Variants in ABCD4 observed in about 807,000 individuals in gnomAD.
ABCD4 encodes the protein lysosomal cobalamin transporter ABCD4.
A neutral mutation model predicts 86.3 loss-of-function variants in ABCD4; 53 were observed. That is an observed-to-expected ratio of 0.61 (90% CI 0.49 to 0.77). The LOEUF (loss-of-function observed/expected upper bound fraction) is 0.77, where lower values mean the gene tolerates loss of function less well. Among genes scored for constraint, ABCD4 ranks in the 30% least tolerant of loss-of-function variants. The pLI, the probability that ABCD4 is intolerant of heterozygous loss-of-function variation, is 0.00. For missense variants in ABCD4, 757 were observed against 764.5 expected (o/e 0.99, Z 0.12); for synonymous variants, 328 against 313.6 (o/e 1.05, Z -0.49).
At chr14:74,286,576 G>C (rs748172598) in intron 18 of ABCD4, 47 bp from the exon 19 acceptor site, 6 of 1,612,348 alleles carry the variant, frequency 3.7e-6, no homozygotes, top group Non-Finnish European at 4.2e-6. Context: ...CCTGGCCGCT[G>C]GCAGAGGAGG....
At chr14:74,296,534 T>C in intron 4 of ABCD4, 85 bp from the exon 5 acceptor site, 1 of 1,253,590 alleles carries the variant, frequency 8.0e-7, no homozygotes, top group Non-Finnish European at 1.1e-6. Context: ...TCACCTCTGC[T>C]CTTGACCTTG....
At chr14:74,289,809 C>T in intron 13 of ABCD4, 1 of 1,438,350 alleles carries the variant, frequency 7.0e-7, no homozygotes. Flanking sequence ...TGAGTCCTTG[C>T]CCCATTTACC....
intron 5 of ABCD4, 54 bp downstream of exon 5, chr14:74,296,279 G>A: frequency 6.5e-7 from 1 of 1,543,180 alleles, no homozygotes; most frequent in Non-Finnish European, 9.0e-7. Context: ...ACCTGGGAGA[G>A]CTGACTGAGG....
intron 1 of ABCD4, among the ~76,000 whole-genome samples, chr14:74,301,573 A>G (rs1281128341): frequency 1.3e-5 from 2 of 152,214 alleles, no homozygotes; most frequent in Non-Finnish European, 2.9e-5. Flanking sequence ...ACCCACGTTT[A>G]ATAAACACAT....
intron 2 of ABCD4, 147 bp downstream of exon 2, chr14:74,300,003 C>T: frequency 1.7e-6 from 1 of 588,302 alleles, no homozygotes; most frequent in South Asian, 2.1e-5. Context: ...GCAGAGGTTG[C>T]AGTGAGCTGA....
chr14:74,290,802 A>C (rs567558100), intron 11 of ABCD4, among the ~76,000 whole-genome samples: 17 of 146,144 alleles, frequency 1.2e-4, no homozygotes, highest in Non-Finnish European at 2.4e-4. Context: ...TTCCTGTCCC[A>C]GCCTCCTGAG....
chr14:74,290,843 C>T (rs1267282366), intron 11 of ABCD4, among the ~76,000 whole-genome samples: 1 of 151,932 alleles, frequency 6.6e-6, no homozygotes, highest in Non-Finnish European at 1.5e-5. Context: ...ACCACCGTGC[C>T]CATATTTTTA....
intron 13 of ABCD4, 164 bp from the exon 14 acceptor site, chr14:74,289,683 C>G: frequency 6.9e-7 from 1 of 1,453,224 alleles, no homozygotes; most frequent in Non-Finnish European, 9.0e-7. Flanking sequence ...GACAGCAGGG[C>G]AAGGTCCCTA....
At position 74,292,867 on chromosome 14, in the gene ABCD4, C is replaced by T. The variant is rs767929749; in HGVS notation, c.817G>A (p.Gly273Ser). The T allele has an allele frequency of 1.4e-5, 22 of 1,613,936 alleles. No homozygotes were observed. The highest frequency in any genetic ancestry group is 4.0e-5 in the African/African-American group (3 of 74,844). ...CCCAGATAGTCAAAGGTGTTGATGC[C>T]GACTGTAGAAAACACATCTGTGAGA... ...LMSKELWLYI[G>S]INTFDYLGSI... The change falls in exon 9 of 19, where the codon GGC (glycine) becomes AGC (serine). Residue 273 changes from glycine to serine, a missense_variant and splice_region_variant. Coordinates refer to ENST00000356924, the MANE Select transcript of ABCD4 (RefSeq NM_005050.4).
At chr14:74,301,160 CTTT>C (rs36088801) in intron 1 of ABCD4, among the ~76,000 whole-genome samples, 12 of 124,294 alleles carry the variant, frequency 9.7e-5, no homozygotes, top group Admixed American at 8.5e-5. Context: ...GGCCTAAAAT[CTTT>C]TTTTTTTTTT....
At chr14:74,298,607 G>C (rs576078315) in intron 3 of ABCD4, among the ~76,000 whole-genome samples, 2 of 152,176 alleles carry the variant, frequency 1.3e-5, no homozygotes, top group African/African-American at 4.8e-5. Context: ...CCAGAGGCAA[G>C]ACCCTCTTTC....
rs747104892 is a variant in ABCD4, at chr14:74,300,105, A to T, written c.157+45T>A. The T allele has an allele frequency of 9.3e-6, 11 of 1,182,010 alleles. No homozygotes were observed. The East Asian group carries it at 2.6e-4, about 28-fold the overall frequency. 73.2% of individuals were successfully genotyped at this position (1,182,010 alleles called of 1,614,324 possible). A position where few individuals can be genotyped will look rare whatever the true frequency, so the allele number is the denominator to read the frequency against. ...AAAAAAAAGATGGAAAGGGACCCCAAACCAGAGCTCCCCTCCCTCCTCTAG... is the reference window on the plus strand; with the variant it reads ...AAAAAAAAGATGGAAAGGGACCCCATACCAGAGCTCCCCTCCCTCCTCTAG... On this transcript the variant is annotated intron_variant, in intron 2 of 18. Coordinates refer to ENST00000356924, the MANE Select transcript of ABCD4 (RefSeq NM_005050.4).
At chr14:74,299,826 C>T in intron 2 of ABCD4, 151 bp from the exon 3 acceptor site, 1 of 705,880 alleles carries the variant, frequency 1.4e-6, no homozygotes, top group South Asian at 1.9e-5. Flanking sequence ...CTTTGGGAGG[C>T]TGAGGCGGGT....
intron 1 of ABCD4, among the ~76,000 whole-genome samples, 184 bp from the exon 2 acceptor site, chr14:74,300,452 C>T (rs565667189): frequency 1.3e-5 from 2 of 151,810 alleles, no homozygotes; most frequent in African/African-American, 2.4e-5. Context: ...TTTGGCCAAG[C>T]GTGGTGGCTC....
At chr14:74,289,306 G>C in intron 14 of ABCD4, 177 bp downstream of exon 14, 1 of 1,406,608 alleles carries the variant, frequency 7.1e-7, no homozygotes, top group Non-Finnish European at 9.2e-7. Flanking sequence ...GAAAGAATGA[G>C]GTGAGATCTG....
chr14:74,288,593 C>A, intron 15 of ABCD4, 123 bp downstream of exon 15: 1 of 1,126,944 alleles, frequency 8.9e-7, no homozygotes, highest in South Asian at 1.3e-5. Context: ...CTGATACTCC[C>A]ATTCTCCACC....
Position 74,286,053 on chromosome 14 carries a change from TAA to T in ABCD4, c.*406_*407del. The T allele has an allele frequency of 6.4e-6, 1 of 157,360 alleles. No homozygotes were observed. The highest frequency in any genetic ancestry group is 6.4e-5 in the Admixed American group (1 of 15,604). 9.7% of individuals were successfully genotyped at this position (157,360 alleles called of 1,614,324 possible). A position where few individuals can be genotyped will look rare whatever the true frequency, so the allele number is the denominator to read the frequency against. ...TTATTAAAAAACTTAAATGGTCAGT[TAA>T]AGTTAAAAATCTATTGCTGCACAAT... On this transcript the variant is annotated 3_prime_UTR_variant, in exon 19 of 19. Transcript: ENST00000356924.
At chr14:74,296,952 A>ACTCTGGG in intron 4 of ABCD4, 1 of 153,344 alleles carries the variant, frequency 6.5e-6, no homozygotes. Flanking sequence ...AAAGAGGCCT[A>ACTCTGGG]GAAGTTAGGC....
At position 74,296,441 on chromosome 14, in the gene ABCD4, C is replaced by A. The variant is rs150967109; in HGVS notation, c.434G>T (p.Arg145Leu). The A allele has an allele frequency of 2.5e-6, 4 of 1,613,938 alleles. No individual in the cohort carries two copies. The highest frequency in any genetic ancestry group is 2.2e-5 in the East Asian group (1 of 44,870). Residue 145 changes from arginine (R) to leucine (L), a missense_variant, in exon 5 of 19, where the codon CGC becomes CTC. Coordinates refer to ENST00000356924, the MANE Select transcript of ABCD4 (RefSeq NM_005050.4). ...GAATCGCTCCACGTCCTGGCTGATG[C>A]GCTGGTCCCTGGAGCCAATGACACA... ...LRDDIDNPDQ[R>L]ISQDVERFCR... is the part of the protein sequence containing the mutation.
Sources: allele counts gnomAD v4.1 joint callset (sites outside exome capture counted in the v4.1 genomes callset), GRCh38; gene constraint gnomAD v4.1.1; transcripts MANE v1.5; gene names NCBI Gene and HGNC (gene_info 2026-07-23, HGNC 2026-07-21).